DNER: variants seen among roughly 807,000 people sequenced by gnomAD.
DNER encodes delta/notch like EGF repeat containing.
Under a neutral mutation model 78.2 loss-of-function variants are expected in DNER, and 33 were observed. That is an observed-to-expected ratio of 0.42 (90% CI 0.32 to 0.56). DNER has a LOEUF of 0.56. Among genes scored for constraint, DNER ranks in the 20% least tolerant of loss-of-function variants. The pLI, the probability that DNER is intolerant of heterozygous loss-of-function variation, is 0.11. For missense variants in DNER, 918 were observed against 975.3 expected (o/e 0.94, Z 0.78); for synonymous variants, 417 against 384.8 (o/e 1.08, Z -0.98).
chr2:229,561,021 G>T (rs1001915944), intron 4 of DNER, among the ~76,000 whole-genome samples: 1 of 152,108 alleles, frequency 6.6e-6, no homozygotes, highest in African/African-American at 2.4e-5. Context: ...TTGTAAAAAG[G>T]CTTTTAAAAA....
At chr2:229,507,175 G>A (rs376505727) in intron 6 of DNER, among the ~76,000 whole-genome samples, 2 of 152,232 alleles carry the variant, frequency 1.3e-5, no homozygotes, top group Admixed American at 6.5e-5. Flanking sequence ...CATTGTTTAC[G>A]CATGTCTAAA....
chr2:229,689,932 T>C (rs1323495956), intron 1 of DNER, among the ~76,000 whole-genome samples: 1 of 152,218 alleles, frequency 6.6e-6, no homozygotes, highest in African/African-American at 2.4e-5. Context: ...CTGGTACCAC[T>C]CCAAAGTTCA....
At chr2:229,568,329 G>T (rs551462344) in intron 4 of DNER, among the ~76,000 whole-genome samples, 6 of 152,232 alleles carry the variant, frequency 3.9e-5, no homozygotes, top group Non-Finnish European at 2.9e-5. Flanking sequence ...GGCACTACTG[G>T]TGCGTGCCAT....
intron 4 of DNER, among the ~76,000 whole-genome samples, chr2:229,573,108 A>G (rs1697243823): frequency 6.6e-6 from 1 of 152,194 alleles, no homozygotes; most frequent in Non-Finnish European, 1.5e-5. Flanking sequence ...AGAGGCTGTC[A>G]TCTGTTATTA....
chr2:229,492,965 C>T (rs1345909016), intron 6 of DNER, among the ~76,000 whole-genome samples: 3 of 152,180 alleles, frequency 2.0e-5, no homozygotes, highest in Non-Finnish European at 4.4e-5. Context: ...GCCACCACAC[C>T]CAGCCTAACC....
At chr2:229,428,671 GA>G (rs11390976) in intron 8 of DNER, among the ~76,000 whole-genome samples, 3,239 of 145,042 alleles carry the variant, frequency 0.022, 39 homozygotes, top group African/African-American at 0.032. Flanking sequence ...GAAGTGATTT[GA>G]AAAAAAAAAA....
intron 6 of DNER, among the ~76,000 whole-genome samples, chr2:229,507,119 T>G (rs1007378823): frequency 6.6e-6 from 1 of 152,158 alleles, no homozygotes; most frequent in Non-Finnish European, 1.5e-5. Context: ...TAACTAAACA[T>G]AGAAAAGTTA....
intron 6 of DNER, among the ~76,000 whole-genome samples, chr2:229,499,931 C>CTTTCTTTTTT (rs1286404166): frequency 1.5e-5 from 2 of 134,838 alleles, no homozygotes; most frequent in African/African-American, 2.7e-5. Flanking sequence ...GACTTTCTTT[C>CTTTCTTTTTT]TTTTTTTTTT....
At chr2:229,622,775 G>A (rs1698271573) in intron 1 of DNER, among the ~76,000 whole-genome samples, 1 of 152,132 alleles carries the variant, frequency 6.6e-6, no homozygotes, top group African/African-American at 2.4e-5. Flanking sequence ...GACAGACAAG[G>A]GAGTGATCCA....
chr2:229,428,674 A>AG (rs1324240847), intron 8 of DNER, among the ~76,000 whole-genome samples: 1 of 151,996 alleles, frequency 6.6e-6, no homozygotes, highest in Non-Finnish European at 1.5e-5. Flanking sequence ...GTGATTTGAA[A>AG]AAAAAAAAAA....
chr2:229,506,509 G>T (rs1695748458), intron 6 of DNER, among the ~76,000 whole-genome samples: 1 of 123,262 alleles, frequency 8.1e-6, no homozygotes. Flanking sequence ...AAATGCTATG[G>T]CCTTTTTTTT....
chr2:229,568,409 G>A (rs1697153472), intron 4 of DNER, among the ~76,000 whole-genome samples: 1 of 152,148 alleles, frequency 6.6e-6, no homozygotes. Context: ...GCTGCCTGCA[G>A]CATAGGAGAG....
At chr2:229,364,365 C>T (rs1402865179) in intron 12 of DNER, among the ~76,000 whole-genome samples, 1 of 152,102 alleles carries the variant, frequency 6.6e-6, no homozygotes, top group Non-Finnish European at 1.5e-5. Flanking sequence ...TACTACCTGC[C>T]AGGACCCACT....
chr2:229,704,547 C>T (rs1301836029), intron 1 of DNER, among the ~76,000 whole-genome samples: 2 of 152,158 alleles, frequency 1.3e-5, no homozygotes, highest in African/African-American at 2.4e-5. Context: ...ATACATGAAA[C>T]GACATGGATG....
chr2:229,460,001 C>CA (rs1235917036), intron 7 of DNER, among the ~76,000 whole-genome samples: 1 of 151,196 alleles, frequency 6.6e-6, no homozygotes, highest in African/African-American at 2.4e-5. Flanking sequence ...ACTAAACATA[C>CA]AAAAAATTAG....
intron 6 of DNER, among the ~76,000 whole-genome samples, chr2:229,508,909 A>AC (rs1479853685): frequency 1.3e-5 from 2 of 151,268 alleles, no homozygotes; most frequent in African/African-American, 2.4e-5. Context: ...AAGAAAAGAA[A>AC]AGAAAAGAAA....
rs145734040 is a variant in DNER at position 229,591,000 on chromosome 2, G to T, written c.585+580C>A. Among the ~76,000 whole-genome samples, 169 of 152,288 alleles carry T rather than the reference G, an allele frequency of 1.1e-3. 1 individual carries two copies. Among genetic ancestry groups the T allele is most frequent in the African/African-American group, 3.8e-3 (157 of 41,564 alleles). On this transcript the variant is annotated intron_variant, in intron 2 of 12. Coordinates refer to ENST00000341772, the MANE Select transcript of DNER (RefSeq NM_139072.4). ...CTCACTCTTGCCATGTGACACACTG[G>T]CTCCCCTTTGCCTTCCGCCATGATT...
chr2:229,657,301 C>T (rs1698929090), intron 1 of DNER, among the ~76,000 whole-genome samples: 2 of 152,112 alleles, frequency 1.3e-5, no homozygotes, highest in Admixed American at 1.3e-4. Context: ...TCCATGTGGT[C>T]ACAAAGGGGA....
intron 1 of DNER, among the ~76,000 whole-genome samples, chr2:229,644,037 T>C (rs1410377922): frequency 6.6e-6 from 1 of 152,142 alleles, no homozygotes; most frequent in Non-Finnish European, 1.5e-5. Flanking sequence ...GCTGTGACTG[T>C]TCATGATGCA....
Sources: gnomAD v4.1 joint callset for allele counts (sites outside exome capture counted in the v4.1 genomes callset) on GRCh38, gnomAD v4.1.1 for gene constraint, MANE v1.5 for transcripts, NCBI Gene and HGNC (gene_info 2026-07-23, HGNC 2026-07-21) for gene names.